The following SNTG2 variants were observed in gnomAD, a reference collection of about 807,000 sequenced individuals.
SNTG2 encodes the protein gamma-2-syntrophin.
Under a neutral mutation model 70.9 loss-of-function variants are expected in SNTG2, and 74 were observed. That is an observed-to-expected ratio of 1.04 (90% CI 0.86 to 1.27). The LOEUF is 1.27. Among genes scored for constraint, SNTG2 ranks in the 50% most tolerant of loss-of-function variants. The probability of loss-of-function intolerance (pLI) is 0.00; values close to 1 mark genes in which losing one functional copy is unlikely to be tolerated. For synonymous variants in SNTG2, 278 were observed against 273.8 expected (o/e 1.02, Z -0.15); for missense variants, 717 against 690.7 (o/e 1.04, Z -0.43).
intron 8 of SNTG2, among the ~76,000 whole-genome samples, chr2:1,202,332 A>G (rs1386380789): frequency 3.0e-5 from 4 of 133,350 alleles, no homozygotes; most frequent in African/African-American, 1.1e-4. Context: ...ATATTTGTGA[A>G]GTGAGGTATA....
chr2:1,135,881 A>C (rs1478615760), intron 4 of SNTG2, among the ~76,000 whole-genome samples: 1 of 152,220 alleles, frequency 6.6e-6, no homozygotes, highest in Non-Finnish European at 1.5e-5. Flanking sequence ...ACCATGGGGT[A>C]AAATACTTTG....
At chr2:1,316,422 A>T in intron 16 of SNTG2, 47 bp downstream of exon 16, 1 of 986,980 alleles carries the variant, frequency 1.0e-6, no homozygotes, top group Admixed American at 2.2e-5. Flanking sequence ...CCACACATAA[A>T]GTACAGCTCA....
intron 15 of SNTG2, among the ~76,000 whole-genome samples, chr2:1,311,734 A>T (rs1196001629): frequency 6.6e-6 from 1 of 152,240 alleles, no homozygotes; most frequent in African/African-American, 2.4e-5. Context: ...CCCTCTTATT[A>T]GTCATTATAA....
chr2:1,293,428 G>T (rs1465515529), intron 14 of SNTG2, among the ~76,000 whole-genome samples: 1 of 149,356 alleles, frequency 6.7e-6, no homozygotes, highest in African/African-American at 2.5e-5. Flanking sequence ...CTTTTTTCTA[G>T]TTTCTTAAGG....
chr2:972,739 C>T (rs778210413), intron 1 of SNTG2, among the ~76,000 whole-genome samples: 2 of 152,034 alleles, frequency 1.3e-5, no homozygotes, highest in Non-Finnish European at 2.9e-5. Flanking sequence ...CAGTGTGTAG[C>T]AACCCCACCC....
chr2:958,733 A>C (rs1223020217), intron 1 of SNTG2, among the ~76,000 whole-genome samples: 1 of 152,168 alleles, frequency 6.6e-6, no homozygotes, highest in African/African-American at 2.4e-5. Flanking sequence ...GAGAGATATG[A>C]AAAAAATTGT....
intron 8 of SNTG2, among the ~76,000 whole-genome samples, chr2:1,197,531 G>GTATGTATATATGTGTATGTATATATA (rs1309765193): frequency 6.8e-6 from 1 of 146,468 alleles, no homozygotes; most frequent in Non-Finnish European, 1.5e-5. Context: ...GTGTGTGTGT[G>GTATGTATATATGTGTATGTATATATA]TGTGTGTGTG....
Position 1,035,579 on chromosome 2 carries a change from C to T in SNTG2, c.73-47939C>T, listed in dbSNP as rs1027871945. Among the ~76,000 whole-genome samples the T allele has an allele frequency of 9.2e-5, 14 of 152,166 alleles. No homozygotes were observed. The South Asian group carries it at 2.7e-3, about 29-fold the overall frequency. On this transcript the variant is annotated intron_variant, in intron 1 of 16. Transcript: ENST00000308624. Reference sequence around the variant, plus strand: ...AGCGGCCGGTGTTTTATTTGGAATGCTTGCTGGGTTTGCATATGGTGTTGG... The same window carrying T: ...AGCGGCCGGTGTTTTATTTGGAATGTTTGCTGGGTTTGCATATGGTGTTGG...
At chr2:1,258,556 C>T (rs9330338) in intron 12 of SNTG2, among the ~76,000 whole-genome samples, 2 of 151,864 alleles carry the variant, frequency 1.3e-5, no homozygotes, top group Non-Finnish European at 2.9e-5. Context: ...CCAGAAGGTC[C>T]CCAATTAATT....
At chr2:1,206,425 G>C (rs1003695380) in intron 8 of SNTG2, among the ~76,000 whole-genome samples, 1 of 152,172 alleles carries the variant, frequency 6.6e-6, no homozygotes, top group African/African-American at 2.4e-5. Flanking sequence ...TGCTGGGGCA[G>C]CTGGAGAGGA....
intron 7 of SNTG2, among the ~76,000 whole-genome samples, chr2:1,168,479 C>G (rs1042920617): frequency 3.3e-5 from 5 of 152,134 alleles, no homozygotes; most frequent in African/African-American, 1.2e-4. Flanking sequence ...AGTGGGGCAC[C>G]GAAGAAGCGA....
In SNTG2 at chr2:1,198,756, C is replaced by T. The variant is rs192573756; in HGVS notation, c.592-10347C>T. ...AAGAATCATCAGAGACTATTAACCA[C>T]TATATGCTAGCAAATTGGAAAACAG... is the stretch of plus-strand genomic sequence containing the variant. On this transcript the variant is annotated intron_variant, in intron 8 of 16. Transcript: ENST00000308624. Among the ~76,000 whole-genome samples, 6 of 152,132 alleles carry T rather than the reference C, an allele frequency of 3.9e-5. No individual in the cohort carries two copies. The East Asian group carries it at 9.7e-4, about 24-fold the overall frequency.
At chr2:1,200,047 A>T (rs1433140833) in intron 8 of SNTG2, among the ~76,000 whole-genome samples, 1 of 152,040 alleles carries the variant, frequency 6.6e-6, no homozygotes, top group Non-Finnish European at 1.5e-5. Flanking sequence ...ACAAGAGAGC[A>T]TGAATAGCCA....
chr2:1,260,885 G>A lies in SNTG2; in HGVS notation c.1077+1444G>A, dbSNP rs76357505. On this transcript the variant is annotated intron_variant, in intron 13 of 16. Coordinates refer to ENST00000308624, the MANE Select transcript of SNTG2 (RefSeq NM_018968.4). ...TCTTGTTTCAGAGGATTCTCCTTCCGTGCACCTGAGATGTTCTTTAGGTAC... is the reference window on the plus strand; with the variant it reads ...TCTTGTTTCAGAGGATTCTCCTTCCATGCACCTGAGATGTTCTTTAGGTAC... 1.4e-3 allele frequency among the ~76,000 whole-genome samples: 207 copies of A among 152,020 alleles called. No homozygotes were observed. The East Asian group carries it at 0.02, about 15-fold the overall frequency.
chr2:1,321,025 A>G (rs1681497077), intron 16 of SNTG2, among the ~76,000 whole-genome samples: 1 of 152,270 alleles, frequency 6.6e-6, no homozygotes, highest in African/African-American at 2.4e-5. Context: ...TTTTAAATGA[A>G]TAAATTAATG....
chr2:1,098,368 A>G lies in SNTG2; in HGVS notation c.283A>G (p.Asn95Asp). 1 of 1,613,922 alleles carries G rather than the reference A, an allele frequency of 6.2e-7. No homozygotes were observed. The highest frequency in any genetic ancestry group is 2.2e-5 in the East Asian group (1 of 44,886). Residue 95 changes from asparagine (N) to aspartate (D), a missense_variant, in exon 4 of 17, where the codon AAC (asparagine) becomes GAC (aspartate). Asn to Asp is a conservative substitution (Grantham distance 23, BLOSUM62 1). Transcript: ENST00000308624. ...GLSIKGGSEH[N>D]VPVVISKIFE... Reference sequence around the variant, plus strand: ...TGTCTTTCAGGGAGGTTCTGAGCACAACGTCCCTGTCGTCATATCAAAAAT... The same window carrying G: ...TGTCTTTCAGGGAGGTTCTGAGCACGACGTCCCTGTCGTCATATCAAAAAT...
intron 14 of SNTG2, among the ~76,000 whole-genome samples, chr2:1,281,382 GTGTGTGGTGTGTGTTTATGTGGTGTGT>G: frequency 1.8e-5 from 1 of 54,876 alleles, no homozygotes; most frequent in African/African-American, 1.1e-4. Context: ...GGTGTATGTG[GTGTGTGGTGTGTGTTTATGTGGTGTGT>G]TGTGTGTGTG....
chr2:985,272 T>A (rs1661267354), intron 1 of SNTG2, among the ~76,000 whole-genome samples: 1 of 152,008 alleles, frequency 6.6e-6, no homozygotes, highest in African/African-American at 2.4e-5. Flanking sequence ...CTGCAGCCAT[T>A]AAACAGAAAG....
intron 7 of SNTG2, among the ~76,000 whole-genome samples, chr2:1,172,724 T>C (rs769317214): frequency 6.6e-6 from 1 of 152,164 alleles, no homozygotes; most frequent in Non-Finnish European, 1.5e-5. Context: ...GGTATGATCA[T>C]CTCCTTTCAA....
Sources: gnomAD v4.1 joint callset for allele counts (sites outside exome capture counted in the v4.1 genomes callset) on GRCh38, gnomAD v4.1.1 for gene constraint, MANE v1.5 for transcripts, NCBI Gene and HGNC (gene_info 2026-07-23, HGNC 2026-07-21) for gene names.